Variants in LRMDA observed in about 807,000 individuals in gnomAD.
The protein encoded by LRMDA is leucine rich melanocyte differentiation associated.
A neutral mutation model predicts 29.8 loss-of-function variants in LRMDA; 18 were observed. The ratio of observed to expected loss-of-function variants is 0.60; its 90% CI spans 0.42 to 0.90. The LOEUF (loss-of-function observed/expected upper bound fraction) is 0.90, where lower values mean the gene tolerates loss of function less well. LRMDA is among the 40% of genes least tolerant of loss of function. LRMDA has a pLI of 0.00. For synonymous variants in LRMDA, 125 were observed against 109.4 expected, an observed-to-expected ratio of 1.14 and a Z score of -0.89; for missense variants, 273 against 273.9, an observed-to-expected ratio of 1.00 and a Z score of 0.02.
intron 6 of LRMDA, among the ~76,000 whole-genome samples, chr10:76,472,262 T>G (rs146460286): frequency 6.6e-6 from 1 of 151,750 alleles, no homozygotes; most frequent in Non-Finnish European, 1.5e-5. Flanking sequence ...ATTAATAAAT[T>G]TGGGGAATTC....
chr10:76,113,697 G>C (rs1849617686), intron 5 of LRMDA, among the ~76,000 whole-genome samples: 1 of 152,168 alleles, frequency 6.6e-6, no homozygotes, highest in Non-Finnish European at 1.5e-5. Flanking sequence ...AAGGGATGTG[G>C]CTGTCCCCAG....
At chr10:76,222,972 T>A (rs1262423909) in intron 5 of LRMDA, among the ~76,000 whole-genome samples, 4 of 152,146 alleles carry the variant, frequency 2.6e-5, no homozygotes, top group African/African-American at 7.2e-5. Context: ...TGTAGGGACA[T>A]AGATGAAATT....
chr10:76,112,056 C>A (rs923498138), intron 5 of LRMDA, among the ~76,000 whole-genome samples: 10 of 152,192 alleles, frequency 6.6e-5, no homozygotes, highest in African/African-American at 2.2e-4. Context: ...TTGAATTCCA[C>A]TTCTAATCTG....
At chr10:75,772,869 T>TGGGGGG (rs1554824987) in intron 2 of LRMDA, among the ~76,000 whole-genome samples, 14 of 49,822 alleles carry the variant, frequency 2.8e-4, no homozygotes, top group Non-Finnish European at 3.9e-4. Context: ...GGGGGTGGGA[T>TGGGGGG]GGGGGGGGGC....
Position 75,667,284 on chromosome 10 carries a change from TG to T in LRMDA, c.131+228793del, listed in dbSNP as rs373416217. Among the ~76,000 whole-genome samples the T allele has an allele frequency of 1.1e-4, 17 of 151,456 alleles. No individual in the cohort carries two copies. The East Asian group carries it at 3.1e-3, about 28-fold the overall frequency. On this transcript the variant is annotated intron_variant, in intron 2 of 6. Coordinates refer to ENST00000611255, the MANE Select transcript of LRMDA (RefSeq NM_001305581.2). The stretch of plus-strand genomic sequence containing the variant: ...GGTTAAAATGGATTCTTTTACTGGG[TG>T]GGACTTAGTTTAAATTAAATTAAAT...
At chr10:75,845,174 G>C (rs931668064) in intron 2 of LRMDA, among the ~76,000 whole-genome samples, 6 of 150,870 alleles carry the variant, frequency 4.0e-5, no homozygotes, top group Admixed American at 6.6e-5. Context: ...ACATTTTTCA[G>C]TCAATTCCTT....
At chr10:75,972,850 C>T (rs1847000664) in intron 2 of LRMDA, among the ~76,000 whole-genome samples, 1 of 152,156 alleles carries the variant, frequency 6.6e-6, no homozygotes, top group Admixed American at 6.5e-5. Flanking sequence ...CATCTACAGC[C>T]CACACAAATA....
intron 2 of LRMDA, among the ~76,000 whole-genome samples, chr10:75,683,071 C>G (rs1356344358): frequency 6.6e-6 from 1 of 152,204 alleles, no homozygotes; most frequent in Non-Finnish European, 1.5e-5. Context: ...TGTACATTTC[C>G]TCTCCTGGAG....
intron 6 of LRMDA, among the ~76,000 whole-genome samples, chr10:76,457,273 A>T (rs1259578922): frequency 6.6e-6 from 1 of 152,110 alleles, no homozygotes; most frequent in Non-Finnish European, 1.5e-5. Context: ...GTATTCCCTG[A>T]TTCTGTGTTT....
chr10:75,851,981 G>A (rs909816934), intron 2 of LRMDA, among the ~76,000 whole-genome samples: 2 of 152,240 alleles, frequency 1.3e-5, no homozygotes, highest in Non-Finnish European at 2.9e-5. Context: ...ATGGCCTTGA[G>A]AAGGCTCTCT....
chr10:76,233,835 G>A (rs1173748427), intron 5 of LRMDA, among the ~76,000 whole-genome samples: 3 of 152,140 alleles, frequency 2.0e-5, no homozygotes, highest in Non-Finnish European at 4.4e-5. Flanking sequence ...TCTAATTCTG[G>A]TTCTCTTGCT....
chr10:76,373,931 A>G (rs1047234303), intron 6 of LRMDA, among the ~76,000 whole-genome samples: 2 of 152,154 alleles, frequency 1.3e-5, no homozygotes, highest in African/African-American at 2.4e-5. Flanking sequence ...AAAATGCAAA[A>G]TGTCTTGGTT....
At chr10:75,452,575 C>CTTTT (rs10636455) in intron 2 of LRMDA, among the ~76,000 whole-genome samples, 15,431 of 117,192 alleles carry the variant, frequency 0.13, 1,719 homozygotes, top group Middle Eastern at 0.19. Flanking sequence ...CAGGATATGA[C>CTTTT]TTTTTTTTTT....
chr10:76,048,448 A>T (rs541867871), intron 4 of LRMDA, among the ~76,000 whole-genome samples: 1 of 152,290 alleles, frequency 6.6e-6, no homozygotes, highest in Admixed American at 6.5e-5. Flanking sequence ...GTGTATCATC[A>T]GCTCTCAAAT....
intron 2 of LRMDA, among the ~76,000 whole-genome samples, chr10:75,981,744 G>A (rs554748343): frequency 6.6e-6 from 1 of 151,558 alleles, no homozygotes; most frequent in Non-Finnish European, 1.5e-5. Flanking sequence ...CCCAGGTACT[G>A]AGGAGGCTGA....
At chr10:76,272,757 G>A (rs559676333) in intron 5 of LRMDA, among the ~76,000 whole-genome samples, 2 of 152,260 alleles carry the variant, frequency 1.3e-5, no homozygotes, top group Admixed American at 1.3e-4. Context: ...GTTCCACATG[G>A]CTGAGGAGGC....
At chr10:76,543,760 A>G (rs1480729101) in intron 6 of LRMDA, among the ~76,000 whole-genome samples, 1 of 152,168 alleles carries the variant, frequency 6.6e-6, no homozygotes, top group African/African-American at 2.4e-5. Context: ...GCCAGCTTCC[A>G]TGCTTATTAC....
intron 2 of LRMDA, among the ~76,000 whole-genome samples, chr10:75,535,732 G>A (rs1839937292): frequency 6.6e-6 from 1 of 152,172 alleles, no homozygotes; most frequent in South Asian, 2.1e-4. Context: ...GGGCCTTGTA[G>A]CCATTTTGGA....
intron 2 of LRMDA, among the ~76,000 whole-genome samples, chr10:75,658,173 C>T (rs1841702567): frequency 2.0e-5 from 3 of 151,972 alleles, no homozygotes; most frequent in Admixed American, 2.0e-4. Context: ...ATAAGAAAAA[C>T]CGCAGTGTAG....
Sources: allele counts gnomAD v4.1 joint callset (sites outside exome capture counted in the v4.1 genomes callset), GRCh38; gene constraint gnomAD v4.1.1; transcripts MANE v1.5; gene names NCBI Gene and HGNC (gene_info 2026-07-23, HGNC 2026-07-21).